Variants in ADGRL3 observed in about 807,000 individuals in gnomAD.
ADGRL3 encodes calcium-independent alpha-latrotoxin receptor 3.
In ADGRL3, 62 loss-of-function variants were observed where a neutral mutation model predicts 153.5. The ratio of observed to expected loss-of-function variants is 0.40; its 90% CI spans 0.33 to 0.50. The LOEUF (loss-of-function observed/expected upper bound fraction) is 0.50. Ranked by LOEUF, ADGRL3 falls within the 20% of genes least tolerant of loss-of-function variation. The pLI is 0.47. For missense variants in ADGRL3, 1,641 were observed against 1,859.4 expected (o/e 0.88, Z 2.16); for synonymous variants, 710 against 672.5 (o/e 1.06, Z -0.86).
intron 25 of ADGRL3, among the ~76,000 whole-genome samples, chr4:62,054,223 C>A (rs996545765): frequency 6.6e-6 from 1 of 151,590 alleles, no homozygotes; most frequent in Non-Finnish European, 1.5e-5. Flanking sequence ...GAGTACTATG[C>A]AAAAGAATTC....
intron 2 of ADGRL3, among the ~76,000 whole-genome samples, chr4:61,435,159 A>G (rs1463106956): frequency 6.6e-6 from 1 of 152,086 alleles, no homozygotes; most frequent in Non-Finnish European, 1.5e-5. Context: ...ATATATAATT[A>G]TGATATTTTG....
At chr4:61,380,310 T>A (rs890761728) in intron 1 of ADGRL3, among the ~76,000 whole-genome samples, 13 of 152,002 alleles carry the variant, frequency 8.6e-5, no homozygotes, top group African/African-American at 2.7e-4. Context: ...ATCTGTTCAG[T>A]TCACTCCTGA....
chr4:61,230,237 G>C (rs1449238756), intron 1 of ADGRL3, among the ~76,000 whole-genome samples: 1 of 152,158 alleles, frequency 6.6e-6, no homozygotes, highest in Admixed American at 6.5e-5. Context: ...CATAGGGAGT[G>C]CTCCATGGCT....
intron 6 of ADGRL3, among the ~76,000 whole-genome samples, chr4:61,690,065 T>A (rs2095511570): frequency 1.3e-5 from 2 of 152,168 alleles, no homozygotes; most frequent in African/African-American, 4.8e-5. Flanking sequence ...TCAAATTTAT[T>A]TGGCAAATCT....
intron 2 of ADGRL3, among the ~76,000 whole-genome samples, chr4:61,389,258 T>C (rs1185218061): frequency 1.3e-5 from 2 of 152,120 alleles, no homozygotes; most frequent in Non-Finnish European, 2.9e-5. Flanking sequence ...TTAAGATTAT[T>C]TAGAAGGCAG....
chr4:61,362,134 C>G (rs2096293006), intron 1 of ADGRL3, among the ~76,000 whole-genome samples: 1 of 151,188 alleles, frequency 6.6e-6, no homozygotes, highest in Non-Finnish European at 1.5e-5. Flanking sequence ...TCCCGAGTAG[C>G]TGGGACTACA....
chr4:61,408,629 T>C (rs1578692594), intron 2 of ADGRL3, among the ~76,000 whole-genome samples: 1 of 152,150 alleles, frequency 6.6e-6, no homozygotes, highest in South Asian at 2.1e-4. Flanking sequence ...AATATTTAAA[T>C]TGGAAATAAA....
intron 25 of ADGRL3, among the ~76,000 whole-genome samples, chr4:62,047,382 G>A (rs1051798370): frequency 5.9e-5 from 9 of 151,962 alleles, no homozygotes; most frequent in Non-Finnish European, 1.0e-4. Context: ...TTACAAACAA[G>A]AATCAATCAT....
intron 15 of ADGRL3, among the ~76,000 whole-genome samples, chr4:61,939,814 T>C (rs2098871479): frequency 6.6e-6 from 1 of 152,186 alleles, no homozygotes; most frequent in Admixed American, 6.5e-5. Context: ...TCATACAGTG[T>C]ATACCATTTG....
chr4:61,881,413 C>G (rs909150869), intron 9 of ADGRL3, among the ~76,000 whole-genome samples: 3 of 152,158 alleles, frequency 2.0e-5, no homozygotes, highest in African/African-American at 4.8e-5. Context: ...GAGTCTGGCT[C>G]TGTCGCCCAG....
At chr4:62,043,154 A>G (rs1729298299) in intron 24 of ADGRL3, among the ~76,000 whole-genome samples, 1 of 152,104 alleles carries the variant, frequency 6.6e-6, no homozygotes, top group Non-Finnish European at 1.5e-5. Flanking sequence ...TAATGACTGT[A>G]TGGAGATTTG....
intron 4 of ADGRL3, among the ~76,000 whole-genome samples, chr4:61,520,137 A>G (rs2098521164): frequency 6.6e-6 from 1 of 152,166 alleles, no homozygotes; most frequent in South Asian, 2.1e-4. Context: ...TCTTGGTAAA[A>G]CAGCAAAGCA....
chr4:61,291,798 T>G lies in ADGRL3; in HGVS notation c.-240+90033T>G, dbSNP rs187575075. The stretch of plus-strand genomic sequence containing the variant: ...TTGAGACAGAAGTATTAATATAAAA[T>G]GGAGACGTTCTATATGCGAAGAAGA... On this transcript the variant is annotated intron_variant, in intron 1 of 26. Coordinates refer to ENST00000683033, the MANE Select transcript of ADGRL3 (RefSeq NM_001387552.1). Among the ~76,000 whole-genome samples, 4 of 149,128 alleles carry G rather than the reference T, an allele frequency of 2.7e-5. No individual in the cohort carries two copies. The Admixed American group carries it at 2.7e-4, about 10-fold the overall frequency.
chr4:61,551,740 A>G (rs1385241186), intron 4 of ADGRL3, among the ~76,000 whole-genome samples: 1 of 152,200 alleles, frequency 6.6e-6, no homozygotes, highest in Non-Finnish European at 1.5e-5. Context: ...TTCTGCAAGG[A>G]ATCACAGAGC....
chr4:61,443,493 A>T (rs917645401), intron 2 of ADGRL3, among the ~76,000 whole-genome samples: 20 of 152,150 alleles, frequency 1.3e-4, no homozygotes, highest in African/African-American at 2.7e-4. Context: ...ATCTTATCTA[A>T]AAAGAACCCA....
intron 9 of ADGRL3, among the ~76,000 whole-genome samples, chr4:61,839,134 T>G (rs7695134): frequency 6.6e-6 from 1 of 151,944 alleles, no homozygotes; most frequent in South Asian, 2.1e-4. Context: ...ATGTATTGCT[T>G]TCTGTGGTAT....
At chr4:61,330,530 G>A (rs1321757676) in intron 1 of ADGRL3, among the ~76,000 whole-genome samples, 1 of 152,046 alleles carries the variant, frequency 6.6e-6, no homozygotes, top group East Asian at 1.9e-4. Context: ...GCAGATTATG[G>A]GATCCTTTGG....
intron 4 of ADGRL3, among the ~76,000 whole-genome samples, chr4:61,568,616 T>G (rs2149092536): frequency 6.6e-6 from 1 of 152,304 alleles, no homozygotes; most frequent in East Asian, 1.9e-4. Flanking sequence ...AAAGAATTTC[T>G]TCATAGTCTA....
chr4:61,349,815 T>TTGTA (rs2096003032), intron 1 of ADGRL3, among the ~76,000 whole-genome samples: 1 of 152,144 alleles, frequency 6.6e-6, no homozygotes, highest in Non-Finnish European at 1.5e-5. Context: ...GCTCCTAAAA[T>TTGTA]TGTACCTCGC....
Sources: allele counts gnomAD v4.1 joint callset (sites outside exome capture counted in the v4.1 genomes callset), GRCh38; gene constraint gnomAD v4.1.1; transcripts MANE v1.5; gene names NCBI Gene and HGNC (gene_info 2026-07-23, HGNC 2026-07-21).